The following QTMAN variants were observed in gnomAD, a reference collection of about 807,000 sequenced individuals.
The protein encoded by QTMAN is tRNA-queuosine alpha-mannosyltransferase.
At chr2:143,982,865 A>AG in the QTMAN span, among the ~76,000 whole-genome samples, 1 of 150,846 alleles carries the variant, frequency 6.6e-6, no homozygotes, top group African/African-American at 2.4e-5. Flanking sequence ...AAAAAAAAAA[A>AG]AAAAAAAAAG....
chr2:144,216,373 G>C, the QTMAN span, among the ~76,000 whole-genome samples: 1 of 152,124 alleles, frequency 6.6e-6, no homozygotes, highest in African/African-American at 2.4e-5. Context: ...GTTGTCTCAG[G>C]ACCTGACACA....
chr2:144,039,657 C>T, the QTMAN span, among the ~76,000 whole-genome samples: 16 of 152,074 alleles, frequency 1.1e-4, no homozygotes, highest in Non-Finnish European at 2.2e-4. Context: ...GTAATGCCAT[C>T]GCTTTGATAT....
chr2:144,186,784 T>C, the QTMAN span, among the ~76,000 whole-genome samples: 1 of 152,306 alleles, frequency 6.6e-6, no homozygotes, highest in South Asian at 2.1e-4. Flanking sequence ...CTAGGTAATA[T>C]CAAATTTGCC....
At chr2:144,111,288 T>C in the QTMAN span, among the ~76,000 whole-genome samples, 6 of 152,264 alleles carry the variant, frequency 3.9e-5, no homozygotes, top group East Asian at 3.9e-4. Context: ...GCTATAACCA[T>C]CCTAACTGCT....
the QTMAN span, among the ~76,000 whole-genome samples, chr2:143,969,457 A>G: frequency 2.0e-5 from 3 of 152,330 alleles, no homozygotes; most frequent in South Asian, 2.1e-4. Flanking sequence ...AAGCACTGCA[A>G]TGGGCTTTGG....
chr2:144,058,321 T>C, the QTMAN span, among the ~76,000 whole-genome samples: 2 of 152,084 alleles, frequency 1.3e-5, no homozygotes, highest in Admixed American at 1.3e-4. Context: ...AACTCAAATA[T>C]CAATAGGAAC....
the QTMAN span, among the ~76,000 whole-genome samples, chr2:144,185,808 G>C: frequency 6.6e-6 from 1 of 152,120 alleles, no homozygotes; most frequent in East Asian, 1.9e-4. Flanking sequence ...AAGTCTGTAG[G>C]AGAAAAGAAG....
chr2:144,006,507 T>G, the QTMAN span: 1 of 152,148 alleles, frequency 6.6e-6, no homozygotes, highest in Non-Finnish European at 1.5e-5. Flanking sequence ...AAAACTAGAT[T>G]AAAATGTTCA....
At chr2:144,134,989 C>T in the QTMAN span, among the ~76,000 whole-genome samples, 1 of 152,060 alleles carries the variant, frequency 6.6e-6, no homozygotes, top group Admixed American at 6.6e-5. Flanking sequence ...AGCCTGACAA[C>T]CTGAGCATTT....
chr2:144,249,916 TA>T, the QTMAN span, among the ~76,000 whole-genome samples: 1 of 152,088 alleles, frequency 6.6e-6, no homozygotes, highest in East Asian at 1.9e-4. Flanking sequence ...GTAAGCAAAA[TA>T]CATTCTTAAG....
chr2:144,248,659 G>A, the QTMAN span, among the ~76,000 whole-genome samples: 2 of 151,986 alleles, frequency 1.3e-5, no homozygotes, highest in African/African-American at 2.4e-5. Context: ...ATTCAGTGTA[G>A]GCTGAATGGG....
At chr2:144,239,635 G>A in the QTMAN span, among the ~76,000 whole-genome samples, 4 of 152,096 alleles carry the variant, frequency 2.6e-5, no homozygotes, top group African/African-American at 9.7e-5. Context: ...AAACTGCTCA[G>A]AAGACAGAAC....
the QTMAN span, among the ~76,000 whole-genome samples, chr2:144,053,696 C>T: frequency 6.6e-6 from 1 of 152,176 alleles, no homozygotes; most frequent in Admixed American, 6.5e-5. Flanking sequence ...CCTCCAACTC[C>T]ACTCTCCTCC....
chr2:144,230,014 T>C, the QTMAN span, among the ~76,000 whole-genome samples: 2 of 152,126 alleles, frequency 1.3e-5, no homozygotes, highest in African/African-American at 4.8e-5. Flanking sequence ...ATCCATGTGA[T>C]ATAAAAAAAA....
the QTMAN span, among the ~76,000 whole-genome samples, chr2:144,182,333 C>T: frequency 6.6e-6 from 1 of 151,880 alleles, no homozygotes; most frequent in South Asian, 2.1e-4. Flanking sequence ...GACTTAAAAG[C>T]TTCCTCTTTA....
the QTMAN span, among the ~76,000 whole-genome samples, chr2:144,019,066 G>C: frequency 1.6e-4 from 24 of 152,134 alleles, no homozygotes; most frequent in African/African-American, 5.6e-4. Context: ...GAGATAGATG[G>C]GAAGGTGTGG....
chr2:144,205,787 A>C, the QTMAN span, among the ~76,000 whole-genome samples: 1 of 152,226 alleles, frequency 6.6e-6, no homozygotes, highest in African/African-American at 2.4e-5. Context: ...AAGAAAGTAG[A>C]AATGCTTCAT....
the QTMAN span, chr2:144,007,211 T>C: frequency 6.2e-7 from 1 of 1,605,982 alleles, no homozygotes; most frequent in South Asian, 1.1e-5. Context: ...TGTGTAGCAG[T>C]CTTTGCTGAT....
the QTMAN span, chr2:144,208,848 T>C: frequency 8.9e-7 from 1 of 1,118,794 alleles, no homozygotes; most frequent in East Asian, 2.6e-5. Flanking sequence ...ATTACATACA[T>C]GTATAAAATT....
Sources: gnomAD v4.1 joint callset for allele counts (sites outside exome capture counted in the v4.1 genomes callset) on GRCh38, gnomAD v4.1.1 for gene constraint, MANE v1.5 for transcripts, NCBI Gene and HGNC (gene_info 2026-07-23, HGNC 2026-07-21) for gene names.